The following OR51B5 variants were observed in gnomAD, a reference collection of about 807,000 sequenced individuals.
The protein encoded by OR51B5 is olfactory receptor family 51 subfamily B member 5, also known as olfactory receptor 51B5.
For missense variants in OR51B5, 456 were observed against 374.6 expected (o/e 1.22, Z -1.79); for synonymous variants, 186 against 144.8 (o/e 1.28, Z -2.04).
intron 1 of OR51B5, among the ~76,000 whole-genome samples, chr11:5,475,792 C>A (rs1307346764): frequency 6.6e-6 from 1 of 152,180 alleles, no homozygotes; most frequent in Admixed American, 6.5e-5. Context: ...TTTGCCATAA[C>A]CAAAACCATC....
At chr11:5,428,443 C>T (rs79685089) in intron 1 of OR51B5, among the ~76,000 whole-genome samples, 12,456 of 152,072 alleles carry the variant, frequency 0.082, 646 homozygotes, top group African/African-American at 0.14. Flanking sequence ...GAAAAGATGG[C>T]GCAGATAGAC....
intron 1 of OR51B5, among the ~76,000 whole-genome samples, chr11:5,487,671 C>T (rs1241107712): frequency 6.6e-6 from 1 of 152,112 alleles, no homozygotes; most frequent in African/African-American, 2.4e-5. Context: ...GAACAGAATC[C>T]CCTTCCAGTC....
At chr11:5,432,423 T>C (rs1342971494) in intron 1 of OR51B5, among the ~76,000 whole-genome samples, 2 of 152,224 alleles carry the variant, frequency 1.3e-5, no homozygotes, top group African/African-American at 2.4e-5. Context: ...TGATCCAAAA[T>C]TTTATTTTGT....
chr11:5,404,098 T>C (rs1190896432), intron 1 of OR51B5, among the ~76,000 whole-genome samples: 3 of 141,156 alleles, frequency 2.1e-5, no homozygotes, highest in African/African-American at 7.7e-5. Context: ...AATTCTGGGA[T>C]TCTCCCATCC....
At chr11:5,413,125 C>A (rs929568671) in intron 1 of OR51B5, among the ~76,000 whole-genome samples, 3 of 152,172 alleles carry the variant, frequency 2.0e-5, no homozygotes, top group Admixed American at 1.3e-4. Flanking sequence ...ATTCGCGGTT[C>A]ACGAAAAACC....
chr11:5,392,131 ATGTATGTTTGTGCGGTTTCTTG>A (rs1394786406), intron 1 of OR51B5: 1 of 152,128 alleles, frequency 6.6e-6, no homozygotes, highest in Non-Finnish European at 1.5e-5. Flanking sequence ...AAAAATATGT[ATGTATGTTTGTGCGGTTTCTTG>A]TGTATGTTTG....
chr11:5,405,022 C>G (rs1850038375), intron 1 of OR51B5, among the ~76,000 whole-genome samples: 1 of 152,172 alleles, frequency 6.6e-6, no homozygotes, highest in Admixed American at 6.5e-5. Context: ...CAAGAACCCA[C>G]CGTTGCAGAA....
intron 1 of OR51B5, among the ~76,000 whole-genome samples, chr11:5,474,362 G>A (rs1851272538): frequency 6.6e-6 from 1 of 152,026 alleles, no homozygotes; most frequent in Non-Finnish European, 1.5e-5. Context: ...ACTTACAGGA[G>A]GAGATAAAGG....
intron 1 of OR51B5, among the ~76,000 whole-genome samples, chr11:5,375,637 C>CA (rs1381144989): frequency 1.3e-5 from 2 of 151,546 alleles, no homozygotes; most frequent in African/African-American, 2.4e-5. Context: ...AAATGGAAAA[C>CA]AAAAAAAGGC....
At position 5,348,639 on chromosome 11, in the gene OR51B5, G is replaced by C. The variant is rs77894190; in HGVS notation, n.85-1729C>G. Among the ~76,000 whole-genome samples the C allele has an allele frequency of 6.1e-3, 922 of 152,192 alleles. 9 individuals carry two copies. Among genetic ancestry groups the C allele is most frequent in the African/African-American group, 0.021 (872 of 41,536 alleles). ...CTGGAAAGGTTTATATTGTGTAACA[G>C]GCATCCACTACTCTTCCATCTTCTT... is the stretch of plus-strand genomic sequence containing the variant. On this transcript the variant is annotated intron_variant and non_coding_transcript_variant, in intron 1 of 4. Coordinates refer to the OR51B5 transcript ENST00000415970.
rs138989875 is a variant in OR51B5 at position 5,438,124 on chromosome 11, T to G, written n.84+67445A>C. Among the ~76,000 whole-genome samples, 57 of 152,192 alleles carry G rather than the reference T, an allele frequency of 3.7e-4. 2 individuals carry two copies. In the East Asian group the frequency reaches 4.6e-3, roughly 12 times the overall value. On this transcript the variant is annotated intron_variant and non_coding_transcript_variant, in intron 1 of 4. Transcript: ENST00000415970. ...CCTTGTAAGTTAGGTCACAGAATCA[T>G]GGACAAAGAAGGAAACAAATGATGC... is the stretch of plus-strand genomic sequence containing the variant.
At chr11:5,352,138 A>G in intron 1 of OR51B5, 2 of 1,613,946 alleles carry the variant, frequency 1.2e-6, no homozygotes, top group Non-Finnish European at 8.5e-7. Flanking sequence ...GGACTTTCTC[A>G]TCATCTTTTT....
intron 1 of OR51B5, among the ~76,000 whole-genome samples, chr11:5,461,032 G>C (rs1851041834): frequency 6.6e-6 from 1 of 152,194 alleles, no homozygotes; most frequent in African/African-American, 2.4e-5. Flanking sequence ...CCAGGCAGTA[G>C]TTGAGGGGGA....
chr11:5,351,929 A>C, intron 1 of OR51B5: 1 of 1,613,140 alleles, frequency 6.2e-7, no homozygotes, highest in Non-Finnish European at 8.5e-7. Flanking sequence ...CAGGTAATGA[A>C]GATTGGTGTG....
chr11:5,342,763 A>G, exon 1 of OR51B5: 1 of 1,613,784 alleles, frequency 6.2e-7, no homozygotes. Flanking sequence ...GAGACAATCC[A>G]ATCACTGTGA....
rs537833954 is a variant in OR51B5, at chr11:5,383,426, A to C, written n.85-36516T>G. On this transcript the variant is annotated intron_variant and non_coding_transcript_variant, in intron 1 of 4. Coordinates refer to the OR51B5 transcript ENST00000415970. ...AGTGGTGATTGTGGTGCTTCAAGGC[A>C]GATGTGCAATTTAAAAGCCACTGTG... 3.3e-5 allele frequency among the ~76,000 whole-genome samples: 5 copies of C among 152,350 alleles called. No individual in the cohort carries two copies. In the South Asian group the frequency reaches 1.0e-3, roughly 32 times the overall value.
chr11:5,414,211 A>C (rs1348194328), intron 1 of OR51B5, among the ~76,000 whole-genome samples: 1 of 151,822 alleles, frequency 6.6e-6, no homozygotes, highest in Non-Finnish European at 1.5e-5. Flanking sequence ...GAAATAAAAT[A>C]CTTTACAGAC....
chr11:5,457,456 T>C (rs1850976910), intron 1 of OR51B5, among the ~76,000 whole-genome samples: 3 of 152,200 alleles, frequency 2.0e-5, no homozygotes. Context: ...ATGTGTCTTT[T>C]TGGTAGAATG....
intron 1 of OR51B5, among the ~76,000 whole-genome samples, chr11:5,416,681 C>T (rs958135920): frequency 4.0e-4 from 57 of 143,834 alleles, no homozygotes; most frequent in Non-Finnish European, 7.0e-4. Context: ...TTCACAATTG[C>T]TTCAAAGAGA....
Sources: allele counts gnomAD v4.1 joint callset (sites outside exome capture counted in the v4.1 genomes callset), GRCh38; gene constraint gnomAD v4.1.1; transcripts MANE v1.5; gene names NCBI Gene and HGNC (gene_info 2026-07-23, HGNC 2026-07-21).